MME: variants seen among roughly 807,000 people sequenced by gnomAD.
The protein encoded by MME is membrane metalloendopeptidase.
A neutral mutation model predicts 113.2 loss-of-function variants in MME; 98 were observed. The observed-to-expected ratio is 0.87, with a 90% CI of 0.74 to 1.02. MME has a LOEUF of 1.02. MME is among the 50% of genes least tolerant of loss of function. MME has a pLI of 0.00. For missense variants in MME, 836 were observed against 896.0 expected, an observed-to-expected ratio of 0.93 and a Z score of 0.86; for synonymous variants, 292 against 300.6, an observed-to-expected ratio of 0.97 and a Z score of 0.30.
intron 1 of MME, among the ~76,000 whole-genome samples, chr3:155,027,376 G>C (rs1470188757): frequency 6.6e-6 from 1 of 152,152 alleles, no homozygotes; most frequent in Non-Finnish European, 1.5e-5. Flanking sequence ...AAAGCCCTGG[G>C]CAAGGTTTTT....
rs533514165 is a variant in MME at position 155,063,284 on chromosome 3, T to TA, written c.-10-20873dup. On this transcript the variant is annotated intron_variant, in intron 1 of 22. Transcript: ENST00000492661. The stretch of plus-strand genomic sequence containing the variant: ...AATGTATATTATTTATATATTATAA[T>TA]ATATACATATTATATAAAGATATAA... Among the ~76,000 whole-genome samples the TA allele has an allele frequency of 2.6e-3, 291 of 112,134 alleles. 2 individuals are homozygous for TA. Among genetic ancestry groups the TA allele is most frequent in the African/African-American group, 0.011 (285 of 25,852 alleles). The allele number at this position is 112,134 out of a possible 152,430, so 73.6% of individuals were successfully genotyped here.
intron 17 of MME, among the ~76,000 whole-genome samples, chr3:155,164,801 C>T (rs569364831): frequency 8.5e-5 from 13 of 152,258 alleles, no homozygotes; most frequent in African/African-American, 2.9e-4. Flanking sequence ...TGAGGTATAA[C>T]TTTCATAAAA....
intron 8 of MME, among the ~76,000 whole-genome samples, chr3:155,129,410 T>A (rs1020613968): frequency 2.6e-5 from 4 of 152,170 alleles, no homozygotes; most frequent in African/African-American, 7.2e-5. Context: ...AAAACCAAAC[T>A]TCTTATCGAC....
chr3:155,105,327 T>C (rs1717597906), intron 3 of MME, among the ~76,000 whole-genome samples: 1 of 152,212 alleles, frequency 6.6e-6, no homozygotes, highest in Non-Finnish European at 1.5e-5. Flanking sequence ...GGTTGCTCTA[T>C]AACTTAATTT....
chr3:155,170,708 C>T (rs1170927302), intron 20 of MME, among the ~76,000 whole-genome samples: 2 of 152,054 alleles, frequency 1.3e-5, no homozygotes, highest in Non-Finnish European at 2.9e-5. Context: ...CTGAGGTTCT[C>T]TTTTTGTGTA....
chr3:155,125,151 G>T (rs571572851), intron 8 of MME, among the ~76,000 whole-genome samples: 1 of 147,074 alleles, frequency 6.8e-6, no homozygotes, highest in Non-Finnish European at 1.5e-5. Flanking sequence ...TCTGAAAAGC[G>T]CAATATTCGG....
intron 14 of MME, among the ~76,000 whole-genome samples, chr3:155,145,058 C>G (rs544281656): frequency 6.6e-6 from 1 of 152,074 alleles, no homozygotes; most frequent in Non-Finnish European, 1.5e-5. Flanking sequence ...AGATAATCAA[C>G]CTTGGTCTAG....
At chr3:155,042,926 A>ATATATG (rs1713399711) in intron 1 of MME, among the ~76,000 whole-genome samples, 1 of 67,228 alleles carries the variant, frequency 1.5e-5, no homozygotes, top group South Asian at 4.7e-4. Flanking sequence ...ATATATATAT[A>ATATATG]TATATATATA....
At chr3:155,140,508 CCAGGCT>C (rs1720998323) in intron 10 of MME, among the ~76,000 whole-genome samples, 1 of 149,840 alleles carries the variant, frequency 6.7e-6, no homozygotes, top group Admixed American at 6.7e-5. Context: ...CGTCCACCTC[CCAGGCT>C]CAAGCGATTC....
intron 16 of MME, among the ~76,000 whole-genome samples, chr3:155,154,314 C>T (rs1307494491): frequency 6.6e-6 from 1 of 152,098 alleles, no homozygotes; most frequent in Non-Finnish European, 1.5e-5. Flanking sequence ...AGGCCAGCAC[C>T]ACCAAAAATG....
intron 1 of MME, among the ~76,000 whole-genome samples, chr3:155,028,338 C>T (rs1276118131): frequency 6.6e-6 from 1 of 152,108 alleles, no homozygotes; most frequent in Non-Finnish European, 1.5e-5. Flanking sequence ...GGTTACCTTG[C>T]CAATGAAGTG....
chr3:155,162,597 CAGA>C (rs1351551344), intron 17 of MME, among the ~76,000 whole-genome samples: 1 of 152,102 alleles, frequency 6.6e-6, no homozygotes, highest in Non-Finnish European at 1.5e-5. Flanking sequence ...TCTTGAACAG[CAGA>C]AGAAGGGAAA....
At chr3:155,128,680 C>A (rs9882981) in intron 8 of MME, among the ~76,000 whole-genome samples, 1 of 151,104 alleles carries the variant, frequency 6.6e-6, no homozygotes, top group Non-Finnish European at 1.5e-5. Context: ...TATTTAATGT[C>A]TTTTTTTTTC....
upstream of MME, among the ~76,000 whole-genome samples, chr3:155,078,045 T>TACACACACACACACACAC (rs34585642): frequency 8.6e-5 from 12 of 139,758 alleles, no homozygotes; most frequent in African/African-American, 3.2e-4. Flanking sequence ...AAAGTAAAAG[T>TACACACACACACACACAC]ACACACACAC....
chr3:155,094,167 C>T (rs1054556260), intron 3 of MME, among the ~76,000 whole-genome samples: 5 of 152,144 alleles, frequency 3.3e-5, no homozygotes, highest in Admixed American at 1.3e-4. Flanking sequence ...TTATGAGTAA[C>T]GGAGGCACAA....
Position 155,163,243 on chromosome 3 carries a change from C to T in MME, c.1660+2795C>T, listed in dbSNP as rs182812068. Among the ~76,000 whole-genome samples the T allele has an allele frequency of 4.1e-3, 621 of 152,048 alleles. 4 individuals are homozygous for T. Among genetic ancestry groups the T allele is most frequent in the Non-Finnish European group, 5.6e-3 (384 of 67,996 alleles). On this transcript the variant is annotated intron_variant, in intron 17 of 22. Transcript: ENST00000360490. ...AAATTAGACTGCATACACTTTCTCA[C>T]GGGATTGGTCATTTTATGTTGTTAT... is the stretch of plus-strand genomic sequence containing the variant.
At chr3:155,149,493 T>C (rs929918274) in intron 16 of MME, among the ~76,000 whole-genome samples, 2 of 152,160 alleles carry the variant, frequency 1.3e-5, no homozygotes, top group Non-Finnish European at 2.9e-5. Flanking sequence ...AAGAGGTGCT[T>C]GTTTCATTCA....
At chr3:155,038,649 T>C (rs1713207637) in intron 1 of MME, among the ~76,000 whole-genome samples, 1 of 152,178 alleles carries the variant, frequency 6.6e-6, no homozygotes, top group South Asian at 2.1e-4. Context: ...CCCAGTGGAC[T>C]CCTAAAACTG....
intron 20 of MME, among the ~76,000 whole-genome samples, chr3:155,169,556 T>C (rs986522440): frequency 4.6e-5 from 7 of 152,108 alleles, no homozygotes; most frequent in Non-Finnish European, 8.8e-5. Context: ...GCAGGGAATT[T>C]CATAAAAGGG....
Sources: gnomAD v4.1 joint callset for allele counts (sites outside exome capture counted in the v4.1 genomes callset) on GRCh38, gnomAD v4.1.1 for gene constraint, MANE v1.5 for transcripts, NCBI Gene and HGNC (gene_info 2026-07-23, HGNC 2026-07-21) for gene names.